Variants in ITGB3BP observed in about 807,000 individuals in gnomAD.
The protein encoded by ITGB3BP is integrin subunit beta 3 binding protein.
A neutral mutation model predicts 29.1 loss-of-function variants in ITGB3BP; 27 were observed. The observed-to-expected ratio is 0.93, with a 90% confidence interval of 0.68 to 1.28. The LOEUF is 1.28. Ranked by LOEUF, ITGB3BP falls within the 50% of genes most tolerant of loss-of-function variation. ITGB3BP has a pLI of 0.00. For synonymous variants in ITGB3BP, 61 were observed against 61.4 expected, an observed-to-expected ratio of 0.99 and a Z score of 0.03; for missense variants, 192 against 200.2, an observed-to-expected ratio of 0.96 and a Z score of 0.25.
chr1:63,446,528 C>T (rs111620489), intron 8 of ITGB3BP: 2 of 355,254 alleles, frequency 5.6e-6, no homozygotes, highest in East Asian at 9.2e-5. Flanking sequence ...GATTAAGGAC[C>T]CTTTTACACT....
chr1:63,441,251 T>A (rs1644726415), intron 8 of ITGB3BP, 148 bp from the exon 9 acceptor site: 1 of 152,222 alleles, frequency 6.6e-6, no homozygotes, highest in African/African-American at 2.4e-5. Flanking sequence ...ATTTGCTTTT[T>A]TCTTTTGAGA....
In ITGB3BP at chr1:63,465,231, AAG is replaced by A. The variant is rs371576796; in HGVS notation, c.255-10265_255-10264del. 4.5e-3 allele frequency among the ~76,000 whole-genome samples: 681 copies of A among 152,302 alleles called. 5 individuals are homozygous for A. Among genetic ancestry groups the A allele is most frequent in the African/African-American group, 0.015 (621 of 41,576 alleles). On this transcript the variant is annotated intron_variant, in intron 4 of 8. Coordinates refer to ENST00000271002, the MANE Select transcript of ITGB3BP (RefSeq NM_014288.5). ...TATGTATGTGTGTGCACATGTGTGA[AAG>A]AGAGAATGAAAGTACATGTGACAAA... is the stretch of plus-strand genomic sequence containing the variant.
At chr1:63,522,992 G>A (rs1243769929) in intron 1 of ITGB3BP, 137 bp downstream of exon 1, 2 of 968,122 alleles carry the variant, frequency 2.1e-6, no homozygotes, top group East Asian at 4.8e-5. Flanking sequence ...CCAAGCGAAG[G>A]GAATTGCCTG....
chr1:63,447,525 G>A (rs911282012), intron 7 of ITGB3BP: 7 of 463,638 alleles, frequency 1.5e-5, no homozygotes, highest in South Asian at 4.6e-5. Flanking sequence ...ATTCAGACAA[G>A]TGTTGTGGGA....
chr1:63,525,840 C>A, upstream of ITGB3BP: 1 of 965,906 alleles, frequency 1.0e-6, no homozygotes. Flanking sequence ...ATTAGAATTA[C>A]CTTGTTGAAT....
intron 1 of ITGB3BP, among the ~76,000 whole-genome samples, chr1:63,515,703 G>A (rs750496043): frequency 6.6e-6 from 1 of 151,312 alleles, no homozygotes; most frequent in Non-Finnish European, 1.5e-5. Flanking sequence ...GTGCATGCTT[G>A]TAGTCCCAGC....
At chr1:63,504,004 T>G (rs1172364553) in intron 2 of ITGB3BP, among the ~76,000 whole-genome samples, 1 of 151,900 alleles carries the variant, frequency 6.6e-6, no homozygotes, top group African/African-American at 2.4e-5. Context: ...AGGCTCTTTT[T>G]TGGTTCCATA....
At chr1:63,504,563 T>C (rs1475599277) in intron 2 of ITGB3BP, among the ~76,000 whole-genome samples, 2 of 152,150 alleles carry the variant, frequency 1.3e-5, no homozygotes, top group Non-Finnish European at 2.9e-5. Context: ...ATAGGAGTGG[T>C]GAGAGAGGGC....
chr1:63,503,869 T>C (rs1337345872), intron 2 of ITGB3BP, among the ~76,000 whole-genome samples: 3 of 152,220 alleles, frequency 2.0e-5, no homozygotes. Context: ...TCAATTGGTC[T>C]ATACCTCTCT....
rs1180179439 is a variant in ITGB3BP, at chr1:63,478,805, A to G, written c.213T>C (p.Ser71=). The G allele has an allele frequency of 6.9e-7, 1 of 1,452,312 alleles. No homozygotes were observed. Among genetic ancestry groups the G allele is most frequent in the East Asian group, 2.5e-5 (1 of 40,152 alleles). 90.0% of individuals were successfully genotyped at this position (1,452,312 alleles called of 1,614,324 possible). A position where few individuals can be genotyped will look rare whatever the true frequency, so the allele number is the denominator to read the frequency against. ...TTGTAGATTCTTTGCTTTCAGTTAA[A>G]CTGGGGTGATTCAATTTTTTTCTCT... ...NEKRKKLNHP[S]LTESKESTTK... Residue 71 remains serine (S), a synonymous_variant, in exon 4 of 9, where the codon AGT becomes AGC. Transcript: ENST00000271002.
At chr1:63,475,010 G>C (rs183606911) in intron 4 of ITGB3BP, among the ~76,000 whole-genome samples, 4 of 152,094 alleles carry the variant, frequency 2.6e-5, no homozygotes, top group African/African-American at 9.7e-5. Flanking sequence ...GGTCTCACCC[G>C]GTCGCTTAGG....
chr1:63,495,892 C>T (rs1215348574), intron 2 of ITGB3BP, among the ~76,000 whole-genome samples: 1 of 152,044 alleles, frequency 6.6e-6, no homozygotes, highest in Non-Finnish European at 1.5e-5. Flanking sequence ...AACCAAGAAG[C>T]CACAACATTC....
upstream of ITGB3BP, chr1:63,525,624 C>A: frequency 6.3e-7 from 1 of 1,595,638 alleles, no homozygotes; most frequent in Non-Finnish European, 8.5e-7. Flanking sequence ...GAAATCAACA[C>A]CTTCAGAGAG....
Position 63,478,738 on chromosome 1 carries a change from T to C in ITGB3BP, c.254+26A>G, listed in dbSNP as rs775800682. On this transcript the variant is annotated intron_variant, in intron 4 of 8. Coordinates refer to ENST00000271002, the MANE Select transcript of ITGB3BP (RefSeq NM_014288.5). ...AACGTCTTTCTGCAAGATACACATATATAATTTCAAAAATAACAAACTTAC... is the reference window on the plus strand; with the variant it reads ...AACGTCTTTCTGCAAGATACACATACATAATTTCAAAAATAACAAACTTAC... The C allele has an allele frequency of 1.1e-5, 12 of 1,112,626 alleles. No homozygotes were observed. Among genetic ancestry groups the C allele is most frequent in the East Asian group, 1.0e-4 (4 of 39,288 alleles). 68.9% of individuals were successfully genotyped at this position (1,112,626 alleles called of 1,614,324 possible).
upstream of ITGB3BP, chr1:63,525,858 G>A (rs1397714554): frequency 2.5e-6 from 2 of 797,060 alleles, no homozygotes; most frequent in East Asian, 5.9e-5. Context: ...AATCATCCCA[G>A]TTTCTTAGTG....
At chr1:63,444,454 ATAT>A (rs1644764519) in intron 8 of ITGB3BP, among the ~76,000 whole-genome samples, 2 of 10,398 alleles carry the variant, frequency 1.9e-4, no homozygotes, top group East Asian at 7.0e-3. Context: ...TCCTATATAT[ATAT>A]TACATATAGG....
chr1:63,510,183 T>C (rs1646169631), intron 1 of ITGB3BP: 1 of 504,918 alleles, frequency 2.0e-6, no homozygotes, highest in South Asian at 2.9e-5. Flanking sequence ...GGAGCAAAAC[T>C]GTCTCAAAAA....
upstream of ITGB3BP, among the ~76,000 whole-genome samples, chr1:63,523,974 C>T (rs905892526): frequency 7.2e-5 from 11 of 152,170 alleles, no homozygotes; most frequent in African/African-American, 2.6e-4. Context: ...GCAATGTACT[C>T]TCTAGGCCCC....
At chr1:63,498,515 A>T (rs1275562121) in intron 2 of ITGB3BP, among the ~76,000 whole-genome samples, 1 of 152,034 alleles carries the variant, frequency 6.6e-6, no homozygotes, top group African/African-American at 2.4e-5. Flanking sequence ...TTAAGAACAA[A>T]ACGCAACAAA....
Sources: allele counts gnomAD v4.1 joint callset (sites outside exome capture counted in the v4.1 genomes callset), GRCh38; gene constraint gnomAD v4.1.1; transcripts MANE v1.5; gene names NCBI Gene and HGNC (gene_info 2026-07-23, HGNC 2026-07-21).